The following ZDHHC14 variants were observed in gnomAD, a reference collection of about 807,000 sequenced individuals.
The protein encoded by ZDHHC14 is zDHHC palmitoyltransferase 14.
In ZDHHC14, 16 loss-of-function variants were observed where a neutral mutation model predicts 47.7. That is an observed-to-expected ratio of 0.34 (90% CI 0.23 to 0.51). ZDHHC14 has a LOEUF of 0.51. Ranked by LOEUF, ZDHHC14 falls within the 20% of genes least tolerant of loss-of-function variation. ZDHHC14 has a pLI of 0.97. For synonymous variants in ZDHHC14, 293 were observed against 278.9 expected, an observed-to-expected ratio of 1.05 and a Z score of -0.50; for missense variants, 515 against 662.5, an observed-to-expected ratio of 0.78 and a Z score of 2.44.
intron 1 of ZDHHC14, among the ~76,000 whole-genome samples, chr6:157,482,433 A>G (rs1190555035): frequency 6.8e-6 from 1 of 146,960 alleles, no homozygotes; most frequent in Non-Finnish European, 1.5e-5. Context: ...TTTTTTTTTT[A>G]GTAGAGACCG....
chr6:157,661,709 G>T (rs1238655531), intron 8 of ZDHHC14, among the ~76,000 whole-genome samples: 1 of 152,196 alleles, frequency 6.6e-6, no homozygotes, highest in African/African-American at 2.4e-5. Flanking sequence ...TTCCTCAACT[G>T]TAAAATGAAG....
intron 1 of ZDHHC14, among the ~76,000 whole-genome samples, chr6:157,489,937 G>T (rs936766721): frequency 1.3e-5 from 2 of 152,156 alleles, no homozygotes; most frequent in Non-Finnish European, 2.9e-5. Context: ...AGTGGCAGAA[G>T]GAGACAAGTT....
At chr6:157,529,845 T>C (rs1297415362) in intron 1 of ZDHHC14, among the ~76,000 whole-genome samples, 1 of 152,228 alleles carries the variant, frequency 6.6e-6, no homozygotes, top group African/African-American at 2.4e-5. Context: ...TGGGCTTTGA[T>C]GGCGGCCACA....
intron 1 of ZDHHC14, among the ~76,000 whole-genome samples, chr6:157,528,460 A>G (rs1331172898): frequency 1.3e-5 from 2 of 150,782 alleles, no homozygotes; most frequent in African/African-American, 2.4e-5. Flanking sequence ...GGGTGGGCGC[A>G]GTGGCTCACA....
At chr6:157,527,349 A>G (rs145702345) in intron 1 of ZDHHC14, among the ~76,000 whole-genome samples, 1 of 152,192 alleles carries the variant, frequency 6.6e-6, no homozygotes, top group African/African-American at 2.4e-5. Flanking sequence ...GAACAGGAAT[A>G]GTTGATATTC....
chr6:157,456,641 A>G (rs998966367), intron 1 of ZDHHC14, among the ~76,000 whole-genome samples: 48 of 152,286 alleles, frequency 3.2e-4, no homozygotes, highest in African/African-American at 1.1e-3. Flanking sequence ...GGGCAGAGAG[A>G]GGAAGTGAGC....
chr6:157,484,319 A>G (rs1032405700), intron 1 of ZDHHC14, among the ~76,000 whole-genome samples: 3 of 70,164 alleles, frequency 4.3e-5, no homozygotes, highest in Admixed American at 2.0e-4. Context: ...ATATATACAC[A>G]TATATATACG....
chr6:157,419,386 T>C (rs1331214857), intron 1 of ZDHHC14, among the ~76,000 whole-genome samples: 2 of 152,220 alleles, frequency 1.3e-5, no homozygotes, highest in Admixed American at 1.3e-4. Context: ...TATGATACTG[T>C]ATCAAACAAA....
At chr6:157,648,321 C>G (rs904327877) in intron 7 of ZDHHC14, among the ~76,000 whole-genome samples, 2 of 152,204 alleles carry the variant, frequency 1.3e-5, no homozygotes, top group African/African-American at 4.8e-5. Flanking sequence ...GCCACCATGA[C>G]TGTGTCCAGG....
chr6:157,553,474 T>C (rs758563324), intron 2 of ZDHHC14, among the ~76,000 whole-genome samples: 1 of 152,138 alleles, frequency 6.6e-6, no homozygotes. Context: ...AATAGGACTT[T>C]GCTGAGGTGT....
intron 1 of ZDHHC14, among the ~76,000 whole-genome samples, chr6:157,429,418 GC>G (rs1778291152): frequency 6.6e-6 from 1 of 152,162 alleles, no homozygotes; most frequent in Admixed American, 6.5e-5. Context: ...CAAAAACTTT[GC>G]ACATCACTGC....
In ZDHHC14 at chr6:157,416,984, T is replaced by C. The variant is rs1353023001; in HGVS notation, c.245+34718T>C. Among the ~76,000 whole-genome samples the C allele has an allele frequency of 1.5e-4, 20 of 133,030 alleles. No homozygotes were observed. The East Asian group carries it at 4.0e-3, about 27-fold the overall frequency. The allele number at this position is 133,030 out of a possible 152,430, so 87.3% of individuals were successfully genotyped here. On this transcript the variant is annotated intron_variant, in intron 1 of 8. Transcript: ENST00000359775. Reference sequence around the variant, plus strand: ...CCATGCCTGGCTAGTTTTTTTTTTTTTTTTTTTTTTTTTTTTTGTATTTTT... The same window carrying C: ...CCATGCCTGGCTAGTTTTTTTTTTTCTTTTTTTTTTTTTTTTTGTATTTTT...
At chr6:157,508,624 T>C (rs192663966) in intron 1 of ZDHHC14, among the ~76,000 whole-genome samples, 3 of 152,276 alleles carry the variant, frequency 2.0e-5, no homozygotes, top group Non-Finnish European at 2.9e-5. Context: ...CAGATGCTCC[T>C]ACCTCAGCCT....
chr6:157,631,444 G>A (rs917227210), intron 4 of ZDHHC14: 6 of 152,106 alleles, frequency 3.9e-5, no homozygotes, highest in South Asian at 2.1e-4. Context: ...TGACCCCCAC[G>A]ACACGACCCC....
At chr6:157,641,806 AC>A (rs1356836615) in intron 5 of ZDHHC14, among the ~76,000 whole-genome samples, 1 of 152,126 alleles carries the variant, frequency 6.6e-6, no homozygotes, top group African/African-American at 2.4e-5. Flanking sequence ...TGTGTTTCTT[AC>A]GTTTGGTGCA....
At chr6:157,474,542 A>G (rs1779431769) in intron 1 of ZDHHC14, among the ~76,000 whole-genome samples, 1 of 152,188 alleles carries the variant, frequency 6.6e-6, no homozygotes, top group South Asian at 2.1e-4. Flanking sequence ...ACAGTGTGCA[A>G]GGATTCCCAT....
At chr6:157,550,016 G>A (rs1782156322) in intron 2 of ZDHHC14, among the ~76,000 whole-genome samples, 1 of 152,224 alleles carries the variant, frequency 6.6e-6, no homozygotes, top group African/African-American at 2.4e-5. Context: ...GTCTCCTGGT[G>A]GACGTCCTTC....
chr6:157,587,763 T>C lies in ZDHHC14; in HGVS notation c.407-5225T>C, dbSNP rs111402520. Among the ~76,000 whole-genome samples, 737 of 152,288 alleles carry C rather than the reference T, an allele frequency of 4.8e-3. 6 individuals are homozygous for C. Among genetic ancestry groups the C allele is most frequent in the African/African-American group, 0.017 (698 of 41,566 alleles). On this transcript the variant is annotated intron_variant, in intron 2 of 8. Transcript: ENST00000359775. ...TCTCCTTAACTCTGGGATTGTACTT[T>C]CACAAACACCAAAGCCTTAGGCTAA...
rs1270478181 is a variant in ZDHHC14 at position 157,582,188 on chromosome 6, T to C, written c.407-10800T>C. 6.6e-6 allele frequency among the ~76,000 whole-genome samples: 1 copy of C among 152,220 alleles called. No individual in the cohort carries two copies. Among genetic ancestry groups the C allele is most frequent in the Non-Finnish European group, 1.5e-5 (1 of 68,036 alleles). The stretch of plus-strand genomic sequence containing the variant: ...CTGGGATTACAGGTGTGAGCCACCA[T>C]GCCCAGCCCACCCTGTGCCTTTTAA... On this transcript the variant is annotated intron_variant, in intron 2 of 8. Coordinates refer to ENST00000359775, the MANE Select transcript of ZDHHC14 (RefSeq NM_024630.3). This position sits in a 1 kb window ranked among gnomAD's most constrained non-coding sequence, Gnocchi z 4.3.
Sources: allele counts gnomAD v4.1 joint callset (sites outside exome capture counted in the v4.1 genomes callset), GRCh38; gene constraint gnomAD v4.1.1; non-coding constraint Gnocchi (gnomAD v3.1); transcripts MANE v1.5; gene names NCBI Gene and HGNC (gene_info 2026-07-23, HGNC 2026-07-21).